The following CCDC85A variants were observed in gnomAD, a reference collection of about 807,000 sequenced individuals.
CCDC85A encodes coiled-coil domain containing 85A.
In CCDC85A, 38 loss-of-function variants were observed where a neutral mutation model predicts 50.2. That is an observed-to-expected ratio of 0.76 (90% CI 0.58 to 0.99). CCDC85A has a LOEUF of 0.99. Among genes scored for constraint, CCDC85A ranks in the 50% least tolerant of loss-of-function variants. The pLI is 0.00. For synonymous variants in CCDC85A, 366 were observed against 301.4 expected (o/e 1.21, Z -2.22); for missense variants, 820 against 742.0 (o/e 1.11, Z -1.22).
intron 3 of CCDC85A, among the ~76,000 whole-genome samples, chr2:56,351,657 G>T (rs1470728192): frequency 2.1e-5 from 3 of 146,212 alleles, no homozygotes; most frequent in Admixed American, 6.8e-5. Context: ...CTTCTTTTGA[G>T]AAGTGTCTGT....
intron 3 of CCDC85A, among the ~76,000 whole-genome samples, chr2:56,357,321 A>G (rs1029486470): frequency 2.6e-5 from 4 of 152,188 alleles, no homozygotes; most frequent in Admixed American, 1.3e-4. Context: ...TATTAATAAA[A>G]TTCATCAGAA....
At chr2:56,293,359 C>T (rs1441332534) in intron 2 of CCDC85A, among the ~76,000 whole-genome samples, 9 of 151,908 alleles carry the variant, frequency 5.9e-5, no homozygotes, top group East Asian at 1.9e-4. Flanking sequence ...ATGTAAAGTC[C>T]GAAACTATAA....
chr2:56,206,765 A>G (rs970918785), intron 2 of CCDC85A, among the ~76,000 whole-genome samples: 4 of 152,202 alleles, frequency 2.6e-5, no homozygotes, highest in African/African-American at 7.2e-5. Context: ...GGGTTCCTGA[A>G]CAAAGAGGTT....
At chr2:56,255,351 G>C (rs1374938158) in intron 2 of CCDC85A, among the ~76,000 whole-genome samples, 1 of 152,170 alleles carries the variant, frequency 6.6e-6, no homozygotes, top group Non-Finnish European at 1.5e-5. Flanking sequence ...AAGAAGGAGA[G>C]GGAGTCAAAA....
intron 2 of CCDC85A, among the ~76,000 whole-genome samples, chr2:56,204,270 C>G (rs1045370278): frequency 6.6e-6 from 1 of 152,090 alleles, no homozygotes; most frequent in African/African-American, 2.4e-5. Flanking sequence ...CAAAGACATA[C>G]CGATAACATT....
intron 2 of CCDC85A, among the ~76,000 whole-genome samples, chr2:56,227,508 T>C (rs1668594086): frequency 6.6e-6 from 1 of 152,184 alleles, no homozygotes; most frequent in African/African-American, 2.4e-5. Context: ...CAAGCGGGAA[T>C]TGGTTTTTGT....
intron 3 of CCDC85A, among the ~76,000 whole-genome samples, chr2:56,364,958 C>T (rs1306876919): frequency 6.6e-6 from 1 of 152,174 alleles, no homozygotes; most frequent in Non-Finnish European, 1.5e-5. Flanking sequence ...ATCTGTCCAC[C>T]ACCAATCAGT....
chr2:56,321,631 T>C (rs6710325), intron 2 of CCDC85A, among the ~76,000 whole-genome samples: 6,035 of 152,086 alleles, frequency 0.04, 397 homozygotes, highest in African/African-American at 0.14. Flanking sequence ...CACTGTGCAG[T>C]GAAATGAAAG....
At chr2:56,295,085 A>G (rs541531431) in intron 2 of CCDC85A, among the ~76,000 whole-genome samples, 37 of 152,272 alleles carry the variant, frequency 2.4e-4, no homozygotes, top group African/African-American at 7.5e-4. Flanking sequence ...TTTAGTTGCT[A>G]TGTATTTCTG....
intron 2 of CCDC85A, among the ~76,000 whole-genome samples, chr2:56,193,700 G>C (rs947940017): frequency 6.6e-6 from 1 of 152,124 alleles, no homozygotes; most frequent in Non-Finnish European, 1.5e-5. Flanking sequence ...AATTCCTTAG[G>C]ACCTTGAGTT....
intron 2 of CCDC85A, among the ~76,000 whole-genome samples, chr2:56,327,045 GT>G (rs1354630595): frequency 1.3e-5 from 2 of 151,998 alleles, no homozygotes; most frequent in African/African-American, 4.8e-5. Flanking sequence ...TCAGAACATT[GT>G]AACATTGTCT....
At chr2:56,381,673 A>G (rs1394490535) in intron 5 of CCDC85A, among the ~76,000 whole-genome samples, 1 of 152,064 alleles carries the variant, frequency 6.6e-6, no homozygotes, top group African/African-American at 2.4e-5. Flanking sequence ...AAAGCACCCT[A>G]TCTTACAGAG....
chr2:56,324,659 C>T (rs1258005392), intron 2 of CCDC85A, among the ~76,000 whole-genome samples: 1 of 152,004 alleles, frequency 6.6e-6, no homozygotes, highest in Non-Finnish European at 1.5e-5. Context: ...TTGTTATTTG[C>T]ACTTCTACAT....
In CCDC85A at chr2:56,321,474, C is replaced by G. The variant is rs140263544; in HGVS notation, c.1241-21405C>G. Among the ~76,000 whole-genome samples, 184 of 152,244 alleles carry G rather than the reference C, an allele frequency of 1.2e-3. 1 individual carries two copies. In the East Asian group the frequency reaches 0.019, roughly 16 times the overall value. ...GGATACAAAATCAGTGTGCAAAAAT[C>G]ACACGCATTCCTATGCACTAATAAC... On this transcript the variant is annotated intron_variant, in intron 2 of 5. Transcript: ENST00000407595.
intron 2 of CCDC85A, among the ~76,000 whole-genome samples, chr2:56,244,939 A>G (rs572911858): frequency 1.1e-4 from 17 of 152,116 alleles, no homozygotes; most frequent in Non-Finnish European, 2.9e-5. Context: ...CTGGTATCCA[A>G]CTTTCAGAAC....
intron 3 of CCDC85A, among the ~76,000 whole-genome samples, chr2:56,356,334 C>T (rs189808753): frequency 2.2e-4 from 33 of 152,320 alleles, no homozygotes; most frequent in East Asian, 3.9e-4. Context: ...GAACAAGCCC[C>T]GTTCACTTTC....
chr2:56,228,944 A>G (rs912808235), intron 2 of CCDC85A, among the ~76,000 whole-genome samples: 2 of 152,184 alleles, frequency 1.3e-5, no homozygotes, highest in African/African-American at 4.8e-5. Context: ...AATACATTTA[A>G]ATAACAAGCC....
intron 5 of CCDC85A, among the ~76,000 whole-genome samples, chr2:56,380,202 C>T (rs1017303529): frequency 6.6e-6 from 1 of 152,018 alleles, no homozygotes; most frequent in Non-Finnish European, 1.5e-5. Flanking sequence ...GTTTAAAAAC[C>T]TATGATAAAG....
chr2:56,347,234 T>C (rs1674674540), intron 3 of CCDC85A, among the ~76,000 whole-genome samples: 2 of 152,194 alleles, frequency 1.3e-5, no homozygotes, highest in South Asian at 4.1e-4. Flanking sequence ...TCAAGGTGTA[T>C]TGGGTTCACA....
Sources: gnomAD v4.1 joint callset for allele counts (sites outside exome capture counted in the v4.1 genomes callset) on GRCh38, gnomAD v4.1.1 for gene constraint, MANE v1.5 for transcripts, NCBI Gene and HGNC (gene_info 2026-07-23, HGNC 2026-07-21) for gene names.